RFX4: variants seen among roughly 807,000 people sequenced by gnomAD.
The protein encoded by RFX4 is transcription factor RFX4.
In RFX4, 10 loss-of-function variants were observed where a neutral mutation model predicts 95.0. The observed-to-expected ratio is 0.11, with a 90% confidence interval of 0.06 to 0.18. The LOEUF is 0.18. Among genes scored for constraint, RFX4 ranks in the 10% least tolerant of loss-of-function variants. RFX4 has a pLI of 1.00. For synonymous variants in RFX4, 321 were observed against 340.7 expected (o/e 0.94, Z 0.64); for missense variants, 640 against 922.0 (o/e 0.69, Z 3.96).
chr12:106,593,047 C>T (rs959927077), intron 1 of RFX4, among the ~76,000 whole-genome samples: 2 of 152,172 alleles, frequency 1.3e-5, no homozygotes, highest in Non-Finnish European at 2.9e-5. Flanking sequence ...CATATCCCAC[C>T]CTCAAGGCAG....
At position 106,721,685 on chromosome 12, in the gene RFX4, AT is replaced by A. The variant is rs368314961; in HGVS notation, c.1351+813del. On this transcript the variant is annotated intron_variant, in intron 13 of 17. Transcript: ENST00000392842. Reference sequence around the variant, plus strand: ...ACATTTTGGTTTCAATTTTCTAGGCATTTTCGGCAAAGGGGCATTGGTAAAT... The same window carrying A: ...ACATTTTGGTTTCAATTTTCTAGGCATTTCGGCAAAGGGGCATTGGTAAAT... Among the ~76,000 whole-genome samples, 163 of 152,256 alleles carry A rather than the reference AT, an allele frequency of 1.1e-3. 2 individuals carry two copies. Among genetic ancestry groups the A allele is most frequent in the East Asian group, 6.2e-3 (32 of 5,182 alleles).
At chr12:106,629,097 A>G (rs1260029899) in intron 2 of RFX4, among the ~76,000 whole-genome samples, 1 of 152,176 alleles carries the variant, frequency 6.6e-6, no homozygotes, top group African/African-American at 2.4e-5. Flanking sequence ...GGCATACTAT[A>G]TGCACTGTGC....
chr12:106,644,503 G>C (rs946881792), intron 3 of RFX4, among the ~76,000 whole-genome samples: 1 of 152,128 alleles, frequency 6.6e-6, no homozygotes, highest in Non-Finnish European at 1.5e-5. Flanking sequence ...AAAGTGTTGG[G>C]ATTACAGGCA....
chr12:106,737,822 A>G (rs183621428), intron 15 of RFX4, among the ~76,000 whole-genome samples: 1 of 152,164 alleles, frequency 6.6e-6, no homozygotes, highest in Non-Finnish European at 1.5e-5. Context: ...TCTTCTGTGG[A>G]AATTTAGATT....
At chr12:106,667,266 G>T (rs559562337) in intron 4 of RFX4, among the ~76,000 whole-genome samples, 1 of 152,248 alleles carries the variant, frequency 6.6e-6, no homozygotes, top group Non-Finnish European at 1.5e-5. Flanking sequence ...GAAGGCTAGA[G>T]CTGACTGGAG....
intron 15 of RFX4, among the ~76,000 whole-genome samples, chr12:106,735,687 C>T (rs1429890860): frequency 1.5e-5 from 2 of 135,734 alleles, no homozygotes. Context: ...TATATATGTA[C>T]ACACATGTAT....
intron 2 of RFX4, among the ~76,000 whole-genome samples, chr12:106,611,777 C>A (rs1187947316): frequency 6.6e-6 from 1 of 152,144 alleles, no homozygotes; most frequent in Non-Finnish European, 1.5e-5. Flanking sequence ...TCCCAAAGTT[C>A]TGGGATTACA....
At chr12:106,598,498 G>A (rs577544198) in intron 1 of RFX4, among the ~76,000 whole-genome samples, 6 of 152,238 alleles carry the variant, frequency 3.9e-5, no homozygotes, top group East Asian at 1.9e-4. Flanking sequence ...GGTAGTTACC[G>A]GGTTAGAGTG....
intron 6 of RFX4, among the ~76,000 whole-genome samples, chr12:106,688,617 A>G (rs1173664000): frequency 6.6e-6 from 1 of 152,250 alleles, no homozygotes; most frequent in Non-Finnish European, 1.5e-5. Flanking sequence ...GATACATTAA[A>G]TCTAAGAAAT....
chr12:106,596,135 C>A (rs889451781), intron 1 of RFX4, among the ~76,000 whole-genome samples: 2 of 152,180 alleles, frequency 1.3e-5, no homozygotes, highest in Non-Finnish European at 2.9e-5. Flanking sequence ...GTGTGCCCAC[C>A]CAAATCTCAT....
chr12:106,662,369 T>G (rs902863367), intron 4 of RFX4: 2 of 154,996 alleles, frequency 1.3e-5, no homozygotes, highest in African/African-American at 4.8e-5. Flanking sequence ...TTTGGTGAGG[T>G]GTTTGTTAAG....
intron 4 of RFX4, chr12:106,680,732 A>G (rs2041489316): frequency 6.6e-6 from 1 of 152,262 alleles, no homozygotes; most frequent in Non-Finnish European, 1.5e-5. Context: ...AATCCCTGGA[A>G]GTAAAAGGGT....
At position 106,684,973 on chromosome 12, in the gene RFX4, G is replaced by T. The variant is rs1032534483; in HGVS notation, c.378-1911G>T. ...TGACGTGCTCATCTCTTCCCTCCTC[G>T]CAAAAGCCCTTCCCATAATTCAAAA... On this transcript the variant is annotated intron_variant, in intron 5 of 17. Coordinates refer to ENST00000392842, the MANE Select transcript of RFX4 (RefSeq NM_213594.3). 1.6e-5 allele frequency: 25 copies of T among 1,598,142 alleles called. No individual in the cohort carries two copies. In the Admixed American group the frequency reaches 4.2e-4, roughly 27 times the overall value.
intron 2 of RFX4, among the ~76,000 whole-genome samples, chr12:106,619,929 C>A (rs1247394283): frequency 2.0e-5 from 3 of 151,982 alleles, no homozygotes; most frequent in Non-Finnish European, 2.9e-5. Flanking sequence ...CCAATTGATT[C>A]TTTTCTCATA....
intron 15 of RFX4, among the ~76,000 whole-genome samples, chr12:106,741,116 C>G (rs770228607): frequency 7.5e-4 from 114 of 152,206 alleles, no homozygotes; most frequent in Middle Eastern, 6.8e-3. Context: ...GACCATGGAA[C>G]TATTGGTAAA....
At chr12:106,631,736 C>G (rs1273287156) in intron 2 of RFX4, among the ~76,000 whole-genome samples, 1 of 152,184 alleles carries the variant, frequency 6.6e-6, no homozygotes, top group Non-Finnish European at 1.5e-5. Context: ...CTAAAAACCA[C>G]CCAGTCTGTG....
In RFX4 at chr12:106,588,676, C is replaced by T. The variant is rs935477904; in HGVS notation, c.43+5313C>T. On this transcript the variant is annotated intron_variant, in intron 1 of 17. Transcript: ENST00000392842. ...AAAGTAATTGTGGGTTTGCACAACC[C>T]GCAATTACTTTTGCATCAACCCAAT... Among the ~76,000 whole-genome samples, 6 of 152,120 alleles carry T rather than the reference C, an allele frequency of 3.9e-5. No homozygotes were observed. In the South Asian group the frequency reaches 8.3e-4, roughly 21 times the overall value.
chr12:106,747,682 C>T, intron 16 of RFX4, 83 bp downstream of exon 16: 1 of 1,499,018 alleles, frequency 6.7e-7, no homozygotes, highest in Non-Finnish European at 9.1e-7. Flanking sequence ...CCCTGTAATC[C>T]CAGCACTTTG....
chr12:106,678,056 G>A (rs2041431295), intron 4 of RFX4, among the ~76,000 whole-genome samples: 1 of 152,190 alleles, frequency 6.6e-6, no homozygotes, highest in South Asian at 2.1e-4. Flanking sequence ...CAGGAATGAA[G>A]GGAGTCATAG....
Sources: allele counts gnomAD v4.1 joint callset (sites outside exome capture counted in the v4.1 genomes callset), GRCh38; gene constraint gnomAD v4.1.1; transcripts MANE v1.5; gene names NCBI Gene and HGNC (gene_info 2026-07-23, HGNC 2026-07-21).